MIPEP: variants seen among roughly 807,000 people sequenced by gnomAD.
MIPEP encodes mitochondrial intermediate peptidase.
MIPEP carries 79 observed loss-of-function variants against 90.3 expected under a neutral mutation model. The observed-to-expected ratio is 0.87, with a 90% CI of 0.73 to 1.05. The LOEUF is 1.05. MIPEP is among the 50% of genes least tolerant of loss of function. The pLI is 0.00. For synonymous variants in MIPEP, 334 were observed against 315.8 expected, an observed-to-expected ratio of 1.06 and a Z score of -0.61; for missense variants, 940 against 905.6, an observed-to-expected ratio of 1.04 and a Z score of -0.49.
chr13:23,837,138 T>C (rs1869089517), intron 13 of MIPEP, among the ~76,000 whole-genome samples: 2 of 152,230 alleles, frequency 1.3e-5, no homozygotes, highest in African/African-American at 4.8e-5. Context: ...TTAAAAGGAC[T>C]TCATCATACT....
intron 14 of MIPEP, among the ~76,000 whole-genome samples, chr13:23,822,133 G>A (rs1953313574): frequency 6.6e-6 from 1 of 152,186 alleles, no homozygotes; most frequent in Non-Finnish European, 1.5e-5. Flanking sequence ...AACATCGTGG[G>A]TGGTTTTTTA....
chr13:23,775,572 GC>G (rs1952706094), intron 16 of MIPEP, among the ~76,000 whole-genome samples: 1 of 152,118 alleles, frequency 6.6e-6, no homozygotes, highest in South Asian at 2.1e-4. Flanking sequence ...AAACTGTAAG[GC>G]CTTTGGGGTA....
At chr13:23,742,866 G>C (rs192733768) in intron 18 of MIPEP, among the ~76,000 whole-genome samples, 1 of 152,340 alleles carries the variant, frequency 6.6e-6, no homozygotes, top group Non-Finnish European at 1.5e-5. Context: ...TCTGAAAATG[G>C]ATACTGGTGA....
chr13:23,806,415 C>G (rs536029115), intron 15 of MIPEP, among the ~76,000 whole-genome samples: 1 of 152,264 alleles, frequency 6.6e-6, no homozygotes, highest in East Asian at 1.9e-4. Flanking sequence ...CGGTGGCTCA[C>G]GCCTGTAATC....
chr13:23,806,450 G>A (rs1053778505), intron 15 of MIPEP, among the ~76,000 whole-genome samples: 9 of 152,114 alleles, frequency 5.9e-5, no homozygotes, highest in Admixed American at 5.9e-4. Flanking sequence ...GGCCGAGGCG[G>A]GAGGATCACG....
chr13:23,834,654 T>C (rs1034057381), intron 14 of MIPEP, among the ~76,000 whole-genome samples: 4 of 152,232 alleles, frequency 2.6e-5, no homozygotes, highest in Non-Finnish European at 5.9e-5. Context: ...GAGAGCTGAC[T>C]GGCGAATGCC....
At chr13:23,823,979 A>G (rs186456089) in intron 14 of MIPEP, among the ~76,000 whole-genome samples, 107 of 152,386 alleles carry the variant, frequency 7.0e-4, no homozygotes, top group Non-Finnish European at 1.2e-3. Flanking sequence ...GAAGGTGTCA[A>G]CTGTATCCTT....
At position 23,813,166 on chromosome 13, in the gene MIPEP, T is replaced by C. The variant is rs866071773; in HGVS notation, c.1654-3242A>G. Among the ~76,000 whole-genome samples, 3 of 152,336 alleles carry C rather than the reference T, an allele frequency of 2.0e-5. No homozygotes were observed. The South Asian group carries it at 6.2e-4, about 32-fold the overall frequency. The stretch of plus-strand genomic sequence containing the variant: ...ACAAACTGATTTTCTTTTAAAGTTG[T>C]ATCTAAAGTTATTTTTTAAAAATAA... On this transcript the variant is annotated intron_variant, in intron 14 of 18. Coordinates refer to ENST00000382172, the MANE Select transcript of MIPEP (RefSeq NM_005932.4).
At chr13:23,858,979 G>A (rs1593195289) in intron 9 of MIPEP, 67 bp from the exon 10 acceptor site, 7 of 1,319,034 alleles carry the variant, frequency 5.3e-6, no homozygotes, top group Non-Finnish European at 7.6e-6. Context: ...CAGCAACGTG[G>A]CCAGCCTATA....
intron 18 of MIPEP, chr13:23,747,695 G>A (rs1264754934): frequency 5.3e-6 from 2 of 380,692 alleles, no homozygotes; most frequent in Admixed American, 6.8e-5. Flanking sequence ...AAAAATTCCT[G>A]AACCAGGCAA....
chr13:23,755,181 C>A (rs1436297408), intron 18 of MIPEP, among the ~76,000 whole-genome samples: 2 of 152,196 alleles, frequency 1.3e-5, no homozygotes, highest in African/African-American at 4.8e-5. Context: ...TGTCAGCATG[C>A]ACACTTCCTC....
chr13:23,771,423 G>A (rs943065), intron 16 of MIPEP, among the ~76,000 whole-genome samples: 151,123 of 152,276 alleles, frequency 0.99, 75,012 homozygotes, highest in East Asian at 1. Context: ...TTTGGAAACA[G>A]TTTACATCTG....
At chr13:23,876,745 T>C (rs1871089715) in intron 4 of MIPEP, among the ~76,000 whole-genome samples, 1 of 152,226 alleles carries the variant, frequency 6.6e-6, no homozygotes, top group Admixed American at 6.5e-5. Context: ...GCAATGTTTA[T>C]ATAATAAAAA....
At chr13:23,816,228 T>C (rs532854341) in intron 14 of MIPEP, among the ~76,000 whole-genome samples, 1 of 152,322 alleles carries the variant, frequency 6.6e-6, no homozygotes, top group Admixed American at 6.5e-5. Context: ...TATTATGCCA[T>C]CAAATATTTC....
At position 23,858,892 on chromosome 13, in the gene MIPEP, G is replaced by T; in HGVS notation, c.1074C>A (p.Pro358=). 6.2e-7 allele frequency: 1 copy of T among 1,613,486 alleles called. No homozygotes were observed. Among genetic ancestry groups the T allele is most frequent in the Non-Finnish European group, 8.5e-7 (1 of 1,179,574 alleles). ...CACGAATCACACCACTGTAGTAAGG[G>T]GGGTCCCAGGGCATTACTTCCTACA... ...PQNSEVMPWD[P]PYYSGVIRAE... Residue 358 remains proline (P), a synonymous_variant, in exon 10 of 19, where the codon CCC becomes CCA. Coordinates refer to ENST00000382172, the MANE Select transcript of MIPEP (RefSeq NM_005932.4).
intron 14 of MIPEP, 112 bp downstream of exon 14, chr13:23,836,128 T>C (rs1423758979): frequency 6.7e-6 from 4 of 597,718 alleles, no homozygotes; most frequent in Non-Finnish European, 1.1e-5. Flanking sequence ...AAAAGGTTTG[T>C]TACTAACAGA....
chr13:23,830,607 C>T (rs1401739380), intron 14 of MIPEP, among the ~76,000 whole-genome samples: 2 of 152,130 alleles, frequency 1.3e-5, no homozygotes, highest in Non-Finnish European at 1.5e-5. Flanking sequence ...TAATCATTTA[C>T]AAGAAGAATC....
Position 23,839,844 on chromosome 13 carries a change from T to C in MIPEP, c.1261-118A>G, listed in dbSNP as rs570056861. The stretch of plus-strand genomic sequence containing the variant: ...CACACATATAGACATTTTAATTACA[T>C]TCTACACCCCACATTATCTCGAGAT... On this transcript the variant is annotated intron_variant, in intron 11 of 18. Coordinates refer to ENST00000382172, the MANE Select transcript of MIPEP (RefSeq NM_005932.4). 11 of 602,364 alleles carry C rather than the reference T, an allele frequency of 1.8e-5. 1 individual carries two copies. In the East Asian group the frequency reaches 3.1e-4, roughly 17 times the overall value. The allele number at this position is 602,364 out of a possible 1,614,324, so 37.3% of individuals were successfully genotyped here. A position where few individuals can be genotyped will look rare whatever the true frequency, so the allele number is the denominator to read the frequency against.
chr13:23,777,631 T>G (rs892515175), intron 16 of MIPEP, among the ~76,000 whole-genome samples: 3 of 152,168 alleles, frequency 2.0e-5, no homozygotes, highest in African/African-American at 7.2e-5. Context: ...AAGAAGTTAT[T>G]AAAAAATAAG....
Sources: gnomAD v4.1 joint callset for allele counts (sites outside exome capture counted in the v4.1 genomes callset) on GRCh38, gnomAD v4.1.1 for gene constraint, MANE v1.5 for transcripts, NCBI Gene and HGNC (gene_info 2026-07-23, HGNC 2026-07-21) for gene names.